GRIK2: variants seen among roughly 807,000 people sequenced by gnomAD.
GRIK2 encodes glutamate ionotropic receptor kainate type subunit 2, also known as glutamate receptor ionotropic, kainate 2.
In GRIK2, 32 loss-of-function variants were observed where a neutral mutation model predicts 100.3. The observed-to-expected ratio is 0.32, with a 90% CI of 0.24 to 0.43. The LOEUF (loss-of-function observed/expected upper bound fraction) is 0.43, where lower values mean the gene tolerates loss of function less well. Among genes scored for constraint, GRIK2 ranks in the 20% least tolerant of loss-of-function variants. The pLI is 1.00. For missense variants in GRIK2, 843 were observed against 1,114.9 expected (o/e 0.76, Z 3.47); for synonymous variants, 417 against 389.4 (o/e 1.07, Z -0.83).
intron 2 of GRIK2, among the ~76,000 whole-genome samples, chr6:101,447,249 A>T (rs1176976604): frequency 6.6e-6 from 1 of 151,596 alleles, no homozygotes; most frequent in Non-Finnish European, 1.5e-5. Context: ...CCTAAGGTTT[A>T]TAAATATGTC....
At chr6:101,616,526 A>T (rs895504143) in intron 2 of GRIK2, among the ~76,000 whole-genome samples, 3 of 151,796 alleles carry the variant, frequency 2.0e-5, no homozygotes, top group Non-Finnish European at 1.5e-5. Context: ...TTTATTAAGT[A>T]TATCTACCAT....
intron 1 of GRIK2, among the ~76,000 whole-genome samples, chr6:101,396,768 T>G (rs1775026497): frequency 6.6e-6 from 1 of 152,220 alleles, no homozygotes; most frequent in Admixed American, 6.5e-5. Context: ...TGAAGAAAGG[T>G]CGTCTCCAGT....
In GRIK2 at chr6:101,749,623, T is replaced by G. The variant is rs147641685; in HGVS notation, c.952-50025T>G. Among the ~76,000 whole-genome samples, 272 of 152,196 alleles carry G rather than the reference T, an allele frequency of 1.8e-3. 2 individuals carry two copies. Among genetic ancestry groups the G allele is most frequent in the African/African-American group, 5.3e-3 (219 of 41,544 alleles). On this transcript the variant is annotated intron_variant, in intron 7 of 16. Coordinates refer to ENST00000369134, the MANE Select transcript of GRIK2 (RefSeq NM_021956.5). ...AAAATGGACATTTTTCATAAATTTA[T>G]GCATTTTACTTCTGTATGACCTGTA... is the stretch of plus-strand genomic sequence containing the variant.
intron 10 of GRIK2, among the ~76,000 whole-genome samples, chr6:101,831,863 G>T (rs1036560073): frequency 2.6e-5 from 4 of 151,942 alleles, no homozygotes; most frequent in South Asian, 2.1e-4. Context: ...TCACAGTTTT[G>T]CTATGTACAT....
chr6:101,970,316 G>T (rs574512264), intron 14 of GRIK2, among the ~76,000 whole-genome samples: 3 of 151,626 alleles, frequency 2.0e-5, no homozygotes, highest in Non-Finnish European at 4.4e-5. Context: ...GGCCCAGGAT[G>T]GTTCTTGCCA....
chr6:101,559,853 G>A (rs1776918513), intron 2 of GRIK2, among the ~76,000 whole-genome samples: 1 of 152,096 alleles, frequency 6.6e-6, no homozygotes, highest in Non-Finnish European at 1.5e-5. Context: ...GAAAGGCTCT[G>A]CAGTAGATAG....
intron 2 of GRIK2, among the ~76,000 whole-genome samples, chr6:101,610,847 C>G (rs1779640994): frequency 6.6e-6 from 1 of 151,686 alleles, no homozygotes; most frequent in African/African-American, 2.4e-5. Flanking sequence ...ATTATTTATA[C>G]TGTTTATATT....
chr6:101,737,095 C>T (rs1397558304), intron 7 of GRIK2, among the ~76,000 whole-genome samples: 1 of 152,120 alleles, frequency 6.6e-6, no homozygotes, highest in African/African-American at 2.4e-5. Context: ...ACCACCTCAG[C>T]CTTGATTTCA....
At chr6:101,961,993 G>A (rs764157447) in intron 14 of GRIK2, among the ~76,000 whole-genome samples, 1 of 152,098 alleles carries the variant, frequency 6.6e-6, no homozygotes, top group Non-Finnish European at 1.5e-5. Context: ...GCAGCCTAGT[G>A]CTTTGCCCTC....
intron 4 of GRIK2, among the ~76,000 whole-genome samples, chr6:101,648,741 A>G (rs1310312848): frequency 6.6e-6 from 1 of 152,080 alleles, no homozygotes; most frequent in Non-Finnish European, 1.5e-5. Context: ...ATATCGTTAG[A>G]GAATTAGAGA....
At chr6:101,635,253 T>C (rs1780948407) in intron 4 of GRIK2, among the ~76,000 whole-genome samples, 1 of 152,180 alleles carries the variant, frequency 6.6e-6, no homozygotes, top group Non-Finnish European at 1.5e-5. Flanking sequence ...CTTGATTACA[T>C]AGCTTGGTGT....
chr6:101,616,501 C>T (rs1282805346), intron 2 of GRIK2, among the ~76,000 whole-genome samples: 1 of 151,598 alleles, frequency 6.6e-6, no homozygotes, highest in Non-Finnish European at 1.5e-5. Flanking sequence ...TTTAAAATGG[C>T]TAAATATATA....
intron 15 of GRIK2, among the ~76,000 whole-genome samples, chr6:102,040,330 C>A (rs902746172): frequency 6.6e-6 from 1 of 151,256 alleles, no homozygotes; most frequent in African/African-American, 2.4e-5. Context: ...TTTAATGTTA[C>A]CTTTACAAGC....
intron 2 of GRIK2, among the ~76,000 whole-genome samples, chr6:101,613,961 G>A (rs550118594): frequency 6.7e-6 from 1 of 150,332 alleles, no homozygotes; most frequent in South Asian, 2.1e-4. Flanking sequence ...TAGGAAAACA[G>A]GGGATGGATT....
intron 10 of GRIK2, among the ~76,000 whole-genome samples, chr6:101,834,278 G>C (rs935326402): frequency 2.6e-5 from 4 of 151,656 alleles, no homozygotes; most frequent in Non-Finnish European, 5.9e-5. Context: ...TTTTATTACT[G>C]TTGCTTTTAC....
chr6:101,403,278 G>T (rs946856299), intron 2 of GRIK2, among the ~76,000 whole-genome samples: 3 of 152,300 alleles, frequency 2.0e-5, no homozygotes. Context: ...AGGTTTCCTT[G>T]CCGAATTGCT....
rs1276265270 is a variant in GRIK2, at chr6:101,691,706, A to G, written c.951+5353A>G. On this transcript the variant is annotated intron_variant, in intron 7 of 16. Coordinates refer to ENST00000369134, the MANE Select transcript of GRIK2 (RefSeq NM_021956.5). ...TAATGTTTATGAGAGGTGAGTCTTT[A>G]TGTGTTTTAATTCTAAAGCCCTAAC... Among the ~76,000 whole-genome samples, 6 of 152,234 alleles carry G rather than the reference A, an allele frequency of 3.9e-5. No homozygotes were observed. In the East Asian group the frequency reaches 1.2e-3, roughly 29 times the overall value.
chr6:101,924,979 A>G (rs1052059971), intron 13 of GRIK2, among the ~76,000 whole-genome samples: 7 of 152,196 alleles, frequency 4.6e-5, no homozygotes, highest in Non-Finnish European at 1.5e-5. Context: ...ACATTATTTC[A>G]TAGATAACCA....
intron 2 of GRIK2, among the ~76,000 whole-genome samples, chr6:101,587,390 G>A (rs799537): frequency 0.1 from 15,771 of 151,818 alleles, 2,292 homozygotes; most frequent in African/African-American, 0.33. Context: ...CTGTCTGTCC[G>A]TCTGTCTGTC....
Sources: allele counts gnomAD v4.1 joint callset (sites outside exome capture counted in the v4.1 genomes callset), GRCh38; gene constraint gnomAD v4.1.1; transcripts MANE v1.5; gene names NCBI Gene and HGNC (gene_info 2026-07-23, HGNC 2026-07-21).